BCR: variants seen among roughly 807,000 people sequenced by gnomAD.
The protein encoded by BCR is breakpoint cluster region protein.
In BCR, 58 loss-of-function variants were observed where a neutral mutation model predicts 138.6. The observed-to-expected ratio is 0.42, with a 90% CI of 0.34 to 0.52. The LOEUF (loss-of-function observed/expected upper bound fraction) is 0.52, where lower values mean the gene tolerates loss of function less well. Ranked by LOEUF, BCR falls within the 20% of genes least tolerant of loss-of-function variation. The probability of loss-of-function intolerance (pLI) is 0.06; values close to 1 mark genes in which losing one functional copy is unlikely to be tolerated. For synonymous variants in BCR, 786 were observed against 730.1 expected (o/e 1.08, Z -1.23); for missense variants, 1,599 against 1,727.2 (o/e 0.93, Z 1.32).
chr22:23,314,946 C>T (rs369620824), intron 22 of BCR, among the ~76,000 whole-genome samples: 8 of 152,224 alleles, frequency 5.3e-5, no homozygotes, highest in East Asian at 1.9e-4. Context: ...CTCAAGTGTT[C>T]GGGTGTGGTG....
At chr22:23,249,586 G>A (rs904296214) in intron 1 of BCR, among the ~76,000 whole-genome samples, 1 of 152,100 alleles carries the variant, frequency 6.6e-6, no homozygotes, top group Admixed American at 6.5e-5. Context: ...TCATGTCGCT[G>A]AAAATAAAAT....
intron 16 of BCR, among the ~76,000 whole-genome samples, chr22:23,297,982 A>AG (rs2073864618): frequency 6.6e-6 from 1 of 152,210 alleles, no homozygotes; most frequent in Non-Finnish European, 1.5e-5. Context: ...ATCCCGGGGA[A>AG]GAGGAGAGCA....
chr22:23,262,687 G>A, intron 4 of BCR: 3 of 687,400 alleles, frequency 4.4e-6, no homozygotes, highest in Non-Finnish European at 5.4e-6. Context: ...GGGGCCGCCG[G>A]GAATGGCGGG....
At chr22:23,309,213 A>C (rs1212603132) in intron 16 of BCR, among the ~76,000 whole-genome samples, 1 of 152,162 alleles carries the variant, frequency 6.6e-6, no homozygotes, top group Admixed American at 6.5e-5. Flanking sequence ...CCCAGGCAGC[A>C]GGGCTCTGGG....
Position 23,314,190 on chromosome 22 carries a change from TCA to T in BCR, c.3563+119_3563+120del, listed in dbSNP as rs1479348822. The T allele has an allele frequency of 6.2e-5, 52 of 833,052 alleles. No individual in the cohort carries two copies. In the African/African-American group the frequency reaches 7.6e-4, roughly 12 times the overall value. The allele number at this position is 833,052 out of a possible 1,614,324, so 51.6% of individuals were successfully genotyped here. A position where few individuals can be genotyped will look rare whatever the true frequency, so the allele number is the denominator to read the frequency against. ...CTTTTCTCCTGACCCTTGTCTGCAG[TCA>T]CTCACTGCCTTTGGCGACTAGTGCC... On this transcript the variant is annotated intron_variant, in intron 21 of 22. Coordinates refer to ENST00000305877, the MANE Select transcript of BCR (RefSeq NM_004327.4).
rs1171940118 is a variant in BCR, at chr22:23,287,269, C to T, written c.2517C>T (p.Arg839=). 5 of 1,548,722 alleles carry T rather than the reference C, an allele frequency of 3.2e-6. No individual in the cohort carries two copies. In the African/African-American group the frequency reaches 5.5e-5, roughly 17 times the overall value. ...SPSMAFRVHS[R]NGKSYTFLIS... ...GCATGGCCTTCAGGGTGCACAGCCG[C>T]AACGGCAAGGTGAGCGCCTGCTGTT... The change falls in exon 11 of 23, where the codon CGC becomes CGT. Residue 839 remains arginine (R), a synonymous_variant. Transcript: ENST00000305877.
chr22:23,190,626 A>G (rs1397750878), intron 1 of BCR, among the ~76,000 whole-genome samples: 1 of 152,166 alleles, frequency 6.6e-6, no homozygotes, highest in Non-Finnish European at 1.5e-5. Flanking sequence ...GGAGTGAGGC[A>G]TGGTTTAGTT....
At chr22:23,219,119 G>T (rs1176326047) in intron 1 of BCR, among the ~76,000 whole-genome samples, 1 of 152,200 alleles carries the variant, frequency 6.6e-6, no homozygotes, top group African/African-American at 2.4e-5. Context: ...GTGAAAACAG[G>T]AAACCTAATC....
chr22:23,295,477 A>G (rs8138857), intron 16 of BCR, among the ~76,000 whole-genome samples: 52,832 of 151,956 alleles, frequency 0.35, 9,700 homozygotes, highest in African/African-American at 0.45. Flanking sequence ...ATGGTGTCCT[A>G]GGCTGAAATT....
At chr22:23,269,023 G>T (rs1295516835) in intron 5 of BCR, among the ~76,000 whole-genome samples, 1 of 152,244 alleles carries the variant, frequency 6.6e-6, no homozygotes, top group Non-Finnish European at 1.5e-5. Flanking sequence ...GGTTGGAGCT[G>T]CACTAACCCA....
Position 23,261,551 on chromosome 22 carries a change from C to G in BCR, c.1752+11C>G, listed in dbSNP as rs1278431845. On this transcript the variant is annotated intron_variant, in intron 4 of 22. Transcript: ENST00000305877. ...CTCTTCCAGAAGCTGGTGAGTAACCCAGGGCCGGTGCTGGGACTACAGGCG... is the reference window on the plus strand; with the variant it reads ...CTCTTCCAGAAGCTGGTGAGTAACCGAGGGCCGGTGCTGGGACTACAGGCG... The G allele has an allele frequency of 9.3e-6, 15 of 1,610,230 alleles. No homozygotes were observed. The highest frequency in any genetic ancestry group is 1.2e-5 in the Non-Finnish European group (14 of 1,179,932).
intron 8 of BCR, chr22:23,283,256 G>A (rs528662852): frequency 4.6e-5 from 7 of 152,440 alleles, no homozygotes; most frequent in African/African-American, 1.7e-4. Context: ...GGCCGCAGGT[G>A]TCCAGGCAGG....
intron 1 of BCR, among the ~76,000 whole-genome samples, chr22:23,224,833 G>A (rs1310403327): frequency 2.0e-5 from 3 of 152,092 alleles, no homozygotes; most frequent in African/African-American, 4.8e-5. Context: ...AGTAAGCCGA[G>A]ATCACGCCAC....
In BCR at chr22:23,181,279, C is replaced by G; in HGVS notation, c.319C>G (p.Pro107Ala). 1 of 1,294,738 alleles carries G rather than the reference C, an allele frequency of 7.7e-7. No homozygotes were observed. Among genetic ancestry groups the G allele is most frequent in the African/African-American group, 1.6e-5 (1 of 64,248 alleles). The allele number at this position is 1,294,738 out of a possible 1,614,324, so 80.2% of individuals were successfully genotyped here. A position where few individuals can be genotyped will look rare whatever the true frequency, so the allele number is the denominator to read the frequency against. The change falls in exon 1 of 23, where the codon CCG becomes GCG. Residue 107 changes from proline (P) to alanine (A), a missense_variant. Transcript: ENST00000305877. The part of the protein sequence containing the change: ...PQPAPADGAD[P>A]PPAEEPEARP... ...GCCAGCGCCCGCCGACGGAGCCGAC[C>G]CGCCGCCCGCCGAGGAGCCCGAGGC...
chr22:23,242,856 G>A, intron 1 of BCR: 1 of 455,750 alleles, frequency 2.2e-6, no homozygotes, highest in East Asian at 7.0e-5. Flanking sequence ...TGTCCGCAGG[G>A]CCAGGCTGTC....
chr22:23,233,151 A>G (rs1205490992), intron 1 of BCR, among the ~76,000 whole-genome samples: 1 of 152,180 alleles, frequency 6.6e-6, no homozygotes, highest in Non-Finnish European at 1.5e-5. Flanking sequence ...GGCAGAGCCT[A>G]TACAGAGCAT....
intron 1 of BCR, among the ~76,000 whole-genome samples, chr22:23,187,147 A>G (rs1488193942): frequency 6.6e-6 from 1 of 152,166 alleles, no homozygotes; most frequent in Non-Finnish European, 1.5e-5. Flanking sequence ...TCCTTTTCAT[A>G]GCCCATGGGG....
chr22:23,271,124 A>G (rs887116072), intron 5 of BCR, among the ~76,000 whole-genome samples: 149 of 152,244 alleles, frequency 9.8e-4, no homozygotes, highest in Admixed American at 9.7e-3. Context: ...AGAGGATCTC[A>G]GCCAGGCGTG....
intron 1 of BCR, among the ~76,000 whole-genome samples, chr22:23,231,439 T>C (rs1319785167): frequency 6.6e-6 from 1 of 151,618 alleles, no homozygotes. Flanking sequence ...CCCAGGAGTT[T>C]GAGGCAATGG....
Sources: allele counts gnomAD v4.1 joint callset (sites outside exome capture counted in the v4.1 genomes callset), GRCh38; gene constraint gnomAD v4.1.1; transcripts MANE v1.5; gene names NCBI Gene and HGNC (gene_info 2026-07-23, HGNC 2026-07-21).